Variants in OR4D9 observed in about 807,000 individuals in gnomAD.
OR4D9 encodes the protein olfactory receptor 4D9.
A neutral mutation model predicts 0.8 loss-of-function variants in OR4D9; 2 were observed. The observed-to-expected ratio is 2.58, with a 90% CI of 1.06 to 8.13. The LOEUF (loss-of-function observed/expected upper bound fraction) is 8.13, where lower values mean the gene tolerates loss of function less well. Among genes scored for constraint, OR4D9 ranks in the 30% most tolerant of loss-of-function variants. The pLI is 0.04. For synonymous variants in OR4D9, 146 were observed against 151.2 expected, an observed-to-expected ratio of 0.97 and a Z score of 0.25; for missense variants, 399 against 384.7, an observed-to-expected ratio of 1.04 and a Z score of -0.31.
Position 59,514,777 on chromosome 11 carries a change from A to T in OR4D9, c.-31+11A>T. ...TGACTTGCAGACACAGTGAGTGCAT[A>T]GGGAAAAGAGCTTCCTCCTAATTCT... On this transcript the variant is annotated intron_variant, in intron 2 of 2. Transcript: ENST00000641962. 1 of 631,440 alleles carries T rather than the reference A, an allele frequency of 1.6e-6. No homozygotes were observed. Among genetic ancestry groups the T allele is most frequent in the Non-Finnish European group, 2.8e-6 (1 of 362,198 alleles). 39.1% of individuals were successfully genotyped at this position (631,440 alleles called of 1,614,324 possible).
chr11:59,512,187 A>C (rs1489211204), intron 1 of OR4D9, among the ~76,000 whole-genome samples: 1 of 152,180 alleles, frequency 6.6e-6, no homozygotes, highest in Non-Finnish European at 1.5e-5. Flanking sequence ...GAATTTGCTC[A>C]ATGGGATGCT....
chr11:59,514,740 G>A lies in OR4D9; in HGVS notation c.-57G>A, dbSNP rs550760081. On this transcript the variant is annotated 5_prime_UTR_variant, in exon 2 of 3. The change creates a new upstream start codon in the 5' untranslated region. Coordinates refer to ENST00000641962, the MANE Select transcript of OR4D9 (RefSeq NM_001004711.2). ...AAAAACCTGGGTAATCTTTCATCCAGTGGTGGCATACTGACTTGCAGACAC... is the reference window on the plus strand; with the variant it reads ...AAAAACCTGGGTAATCTTTCATCCAATGGTGGCATACTGACTTGCAGACAC... 3.7e-6 allele frequency: 2 copies of A among 539,310 alleles called. No homozygotes were observed. The highest frequency in any genetic ancestry group is 6.5e-6 in the Non-Finnish European group (2 of 308,744). 33.4% of individuals were successfully genotyped at this position (539,310 alleles called of 1,614,324 possible).
At chr11:59,514,634 C>A (rs1028016532) in intron 1 of OR4D9, 39 bp from the exon 2 acceptor site, 2 of 320,906 alleles carry the variant, frequency 6.2e-6, no homozygotes, top group East Asian at 5.3e-5. Flanking sequence ...AGTGAAAGTA[C>A]AATTGAATAG....
rs1329909407 is a variant in OR4D9 at position 59,519,761 on chromosome 11, T to C, written c.*3904T>C. ...TAAATTATTCTACCAAAAAGACACA[T>C]GCACCTGTATGTTCACAGTAGCAAA... On this transcript the variant is annotated 3_prime_UTR_variant, in exon 3 of 3. Coordinates refer to ENST00000641962, the MANE Select transcript of OR4D9 (RefSeq NM_001004711.2). The C allele has an allele frequency of 6.6e-6, 1 of 152,160 alleles. No homozygotes were observed. Among genetic ancestry groups the C allele is most frequent in the African/African-American group, 2.4e-5 (1 of 41,444 alleles). The allele number at this position is 152,160 out of a possible 1,614,324, so 9.4% of individuals were successfully genotyped here. A position where few individuals can be genotyped will look rare whatever the true frequency, so the allele number is the denominator to read the frequency against.
In OR4D9 at chr11:59,520,051, C is replaced by T. The variant is rs1349574707; in HGVS notation, c.*4194C>T. Reference sequence around the variant, plus strand: ...TGGGAACAAAAGACACTGAGGCCTACTTGAGGGGAGGAGGGTGGGAAGAGT... The same window carrying T: ...TGGGAACAAAAGACACTGAGGCCTATTTGAGGGGAGGAGGGTGGGAAGAGT... On this transcript the variant is annotated 3_prime_UTR_variant, in exon 3 of 3. Coordinates refer to ENST00000641962, the MANE Select transcript of OR4D9 (RefSeq NM_001004711.2). 1 of 152,056 alleles carries T rather than the reference C, an allele frequency of 6.6e-6. No homozygotes were observed. The highest frequency in any genetic ancestry group is 1.5e-5 in the Non-Finnish European group (1 of 68,018). 9.4% of individuals were successfully genotyped at this position (152,056 alleles called of 1,614,324 possible). A position where few individuals can be genotyped will look rare whatever the true frequency, so the allele number is the denominator to read the frequency against.
Position 59,519,254 on chromosome 11 carries a change from G to A in OR4D9, c.*3397G>A, listed in dbSNP as rs1859444196. The stretch of plus-strand genomic sequence containing the variant: ...TGTAGTCCTAGCTACTCAGGAGACT[G>A]AGCTGGGAGGATCACTTGAGCCTGG... On this transcript the variant is annotated 3_prime_UTR_variant, in exon 3 of 3. Coordinates refer to ENST00000641962, the MANE Select transcript of OR4D9 (RefSeq NM_001004711.2). The A allele has an allele frequency of 6.6e-6, 1 of 152,042 alleles. No individual in the cohort carries two copies. Among genetic ancestry groups the A allele is most frequent in the African/African-American group, 2.4e-5 (1 of 41,346 alleles). The allele number at this position is 152,042 out of a possible 1,614,324, so 9.4% of individuals were successfully genotyped here.
rs56844390 is a variant in OR4D9, at chr11:59,512,670, C to CA, written c.-125+938dup. Among the ~76,000 whole-genome samples, 558 of 137,494 alleles carry CA rather than the reference C, an allele frequency of 4.1e-3. 6 individuals are homozygous for CA. Among genetic ancestry groups the CA allele is most frequent in the African/African-American group, 0.011 (404 of 37,436 alleles). The allele number at this position is 137,494 out of a possible 152,430, so 90.2% of individuals were successfully genotyped here. ...GAAACTCAGTCTTTTTGTAAAAATA[C>CA]AAAAAAAAAAAAAACAGCCAGGCAT... is the stretch of plus-strand genomic sequence containing the variant. On this transcript the variant is annotated intron_variant, in intron 1 of 2. Transcript: ENST00000641962.
chr11:59,520,554 TATGTATGTA>T lies in OR4D9; in HGVS notation c.*4699_*4707del, dbSNP rs1021959411. The stretch of plus-strand genomic sequence containing the variant: ...ACAGCACACCAGCATGGCACATGTA[TATGTATGTA>T]ACTAACCTGCACATTGTGCACATGT... On this transcript the variant is annotated 3_prime_UTR_variant, in exon 3 of 3. Coordinates refer to ENST00000641962, the MANE Select transcript of OR4D9 (RefSeq NM_001004711.2). 1 of 151,852 alleles carries T rather than the reference TATGTATGTA, an allele frequency of 6.6e-6. No homozygotes were observed. The highest frequency in any genetic ancestry group is 1.5e-5 in the Non-Finnish European group (1 of 67,950). The allele number at this position is 151,852 out of a possible 1,614,324, so 9.4% of individuals were successfully genotyped here.
intron 1 of OR4D9, among the ~76,000 whole-genome samples, chr11:59,512,495 A>G (rs1859342452): frequency 6.7e-6 from 1 of 149,848 alleles, no homozygotes; most frequent in South Asian, 2.1e-4. Flanking sequence ...AAAAAAAAAG[A>G]ACATCTCAAA....
rs1166303736 is a variant in OR4D9 at position 59,514,687 on chromosome 11, G to C, written c.-110G>C. 4 of 436,468 alleles carry C rather than the reference G, an allele frequency of 9.2e-6. No homozygotes were observed. Among genetic ancestry groups the C allele is most frequent in the African/African-American group, 8.1e-5 (4 of 49,454 alleles). 27.0% of individuals were successfully genotyped at this position (436,468 alleles called of 1,614,324 possible). ...CTCTGTTTCAGCAGCAGCAGTGAGA[G>C]AACTTTGTCTCCTGGGATGACTGAA... On this transcript the variant is annotated 5_prime_UTR_variant, in exon 2 of 3. Transcript: ENST00000641962.
At position 59,516,317 on chromosome 11, in the gene OR4D9, A is replaced by G. The variant is rs11229984; in HGVS notation, c.*460A>G. ...ACCAACATGGAGAAACTCAGTCTCT[A>G]CTAAAAATACAAAGAAAAATAGGCC... On this transcript the variant is annotated 3_prime_UTR_variant, in exon 3 of 3. Transcript: ENST00000641962. 0.02 allele frequency: 3,058 copies of G among 153,822 alleles called. 93 individuals are homozygous for G. The highest frequency in any genetic ancestry group is 0.07 in the African/African-American group (2,893 of 41,452). The allele number at this position is 153,822 out of a possible 1,614,324, so 9.5% of individuals were successfully genotyped here. A position where few individuals can be genotyped will look rare whatever the true frequency, so the allele number is the denominator to read the frequency against.
rs751422282 is a variant in OR4D9, at chr11:59,518,603, G to A, written c.*2746G>A. 6.6e-6 allele frequency: 1 copy of A among 152,206 alleles called. No individual in the cohort carries two copies. The allele number at this position is 152,206 out of a possible 1,614,324, so 9.4% of individuals were successfully genotyped here. ...AGGTCTCACTAAGTTGCCCAGGCTG[G>A]TTGAAATTCTTGGACTCAAATGATC... On this transcript the variant is annotated 3_prime_UTR_variant, in exon 3 of 3. Transcript: ENST00000641962.
chr11:59,514,510 C>G (rs1859373524), intron 1 of OR4D9, among the ~76,000 whole-genome samples, 163 bp from the exon 2 acceptor site: 1 of 152,170 alleles, frequency 6.6e-6, no homozygotes, highest in African/African-American at 2.4e-5. Flanking sequence ...TTGTAAATAT[C>G]TTGCTCCATT....
chr11:59,512,849 A>T (rs1429855068), intron 1 of OR4D9, among the ~76,000 whole-genome samples: 1 of 152,116 alleles, frequency 6.6e-6, no homozygotes, highest in African/African-American at 2.4e-5. Flanking sequence ...ACAACAACAC[A>T]ACAAAATGTT....
rs1234979568 is a variant in OR4D9, at chr11:59,517,215, A to T, written c.*1358A>T. On this transcript the variant is annotated 3_prime_UTR_variant, in exon 3 of 3. Coordinates refer to ENST00000641962, the MANE Select transcript of OR4D9 (RefSeq NM_001004711.2). ...ACTTCACTGCACTCCAGCCTGAGCA[A>T]CAGATCAAGACACTTGTCAAAAAAA... The T allele has an allele frequency of 6.6e-6, 1 of 151,602 alleles. No individual in the cohort carries two copies. The highest frequency in any genetic ancestry group is 1.5e-5 in the Non-Finnish European group (1 of 67,840). The allele number at this position is 151,602 out of a possible 1,614,324, so 9.4% of individuals were successfully genotyped here.
At position 59,519,626 on chromosome 11, in the gene OR4D9, C is replaced by T. The variant is rs1859451615; in HGVS notation, c.*3769C>T. 6.6e-6 allele frequency: 1 copy of T among 152,164 alleles called. No individual in the cohort carries two copies. Among genetic ancestry groups the T allele is most frequent in the Admixed American group, 6.5e-5 (1 of 15,278 alleles). The allele number at this position is 152,164 out of a possible 1,614,324, so 9.4% of individuals were successfully genotyped here. On this transcript the variant is annotated 3_prime_UTR_variant, in exon 3 of 3. Transcript: ENST00000641962. ...CACTTATTCCCAAACTTTTCATGGG[C>T]TTGTTGTAAACAAGTTCGATTAATG...
chr11:59,516,099 T>A lies in OR4D9; in HGVS notation c.*242T>A. ...CCACAAATTTTTATAGAGCATACAC[T>A]ATATGTCTGAAAGTACTGGGATTCA... On this transcript the variant is annotated 3_prime_UTR_variant, in exon 3 of 3. Coordinates refer to ENST00000641962, the MANE Select transcript of OR4D9 (RefSeq NM_001004711.2). 2.4e-6 allele frequency: 1 copy of A among 421,744 alleles called. No individual in the cohort carries two copies. The allele number at this position is 421,744 out of a possible 1,614,324, so 26.1% of individuals were successfully genotyped here.
In OR4D9 at chr11:59,517,878, T is replaced by G. The variant is rs777663217; in HGVS notation, c.*2021T>G. On this transcript the variant is annotated 3_prime_UTR_variant, in exon 3 of 3. Transcript: ENST00000641962. ...CACTGTTGAGGCTGTGGACAGCTCC[T>G]TTGATTTTGAGAAAAAAATGAGCAA... 4.6e-5 allele frequency: 7 copies of G among 151,578 alleles called. No individual in the cohort carries two copies. Among genetic ancestry groups the G allele is most frequent in the Non-Finnish European group, 8.8e-5 (6 of 67,938 alleles). The allele number at this position is 151,578 out of a possible 1,614,324, so 9.4% of individuals were successfully genotyped here.
intron 1 of OR4D9, among the ~76,000 whole-genome samples, chr11:59,514,118 T>C (rs1859367774): frequency 1.3e-5 from 2 of 152,214 alleles, no homozygotes; most frequent in South Asian, 4.1e-4. Context: ...AAGAGATATA[T>C]CATCATACAT....
Sources: allele counts gnomAD v4.1 joint callset (sites outside exome capture counted in the v4.1 genomes callset), GRCh38; gene constraint gnomAD v4.1.1; transcripts MANE v1.5; gene names NCBI Gene and HGNC (gene_info 2026-07-23, HGNC 2026-07-21).